Variants in SUCLG2 observed in about 807,000 individuals in gnomAD.
SUCLG2 encodes succinate--CoA ligase [GDP-forming] subunit beta, mitochondrial.
In SUCLG2, 42 loss-of-function variants were observed where a neutral mutation model predicts 47.9. The ratio of observed to expected loss-of-function variants is 0.88; its 90% CI spans 0.69 to 1.14. The LOEUF (loss-of-function observed/expected upper bound fraction) is 1.14. Among genes scored for constraint, SUCLG2 ranks in the 50% most tolerant of loss-of-function variants. The probability of loss-of-function intolerance (pLI) is 0.00; values close to 1 mark genes in which losing one functional copy is unlikely to be tolerated. For synonymous variants in SUCLG2, 195 were observed against 197.3 expected, an observed-to-expected ratio of 0.99 and a Z score of 0.10; for missense variants, 571 against 525.9, an observed-to-expected ratio of 1.09 and a Z score of -0.84.
intron 1 of SUCLG2, among the ~76,000 whole-genome samples, chr3:67,636,478 G>A (rs895647081): frequency 2.7e-5 from 4 of 150,478 alleles, no homozygotes; most frequent in African/African-American, 7.3e-5. Flanking sequence ...TCAGCCTCCC[G>A]AGTAGCTGGG....
chr3:67,510,644 A>G (rs1006741938), intron 6 of SUCLG2, among the ~76,000 whole-genome samples: 2 of 152,212 alleles, frequency 1.3e-5, no homozygotes, highest in African/African-American at 2.4e-5. Flanking sequence ...ACACAGGTAG[A>G]TCAATCATAT....
intron 9 of SUCLG2, among the ~76,000 whole-genome samples, chr3:67,421,326 ACACGC>A (rs1357440637): frequency 6.6e-6 from 1 of 152,180 alleles, no homozygotes; most frequent in Non-Finnish European, 1.5e-5. Context: ...GACCCTAGAC[ACACGC>A]TAACAGAGTC....
rs1328830002 is a variant in SUCLG2 at position 67,400,822 on chromosome 3, A to G, written c.1092T>C (p.Gly364=). 5.6e-6 allele frequency: 9 copies of G among 1,612,778 alleles called. No individual in the cohort carries two copies. Among genetic ancestry groups the G allele is most frequent in the Non-Finnish European group, 6.8e-6 (8 of 1,179,878 alleles). The change falls in exon 10 of 11, where the codon GGT becomes GGC. Residue 364 remains glycine, a synonymous_variant. Coordinates refer to ENST00000307227, the MANE Select transcript of SUCLG2 (RefSeq NM_003848.4). Reference sequence around the variant, plus strand: ...CAATGATGGCACAGTTGACGATACCACCAAATATATTGACAAGGATGGCTT... The same window carrying G: ...CAATGATGGCACAGTTGACGATACCGCCAAATATATTGACAAGGATGGCTT... ...KVEAILVNIF[G]GIVNCAIIAN...
At chr3:67,642,641 T>C (rs1298654326) in intron 1 of SUCLG2, among the ~76,000 whole-genome samples, 1 of 152,070 alleles carries the variant, frequency 6.6e-6, no homozygotes, top group African/African-American at 2.4e-5. Flanking sequence ...GAAAATAAAA[T>C]GAGCTTAGCA....
chr3:67,568,461 T>C (rs985955395), intron 2 of SUCLG2, among the ~76,000 whole-genome samples: 15 of 152,228 alleles, frequency 9.9e-5, no homozygotes, highest in Non-Finnish European at 2.1e-4. Flanking sequence ...AGAAAATGAA[T>C]GTTTTCCATC....
At chr3:67,364,762 C>G (rs533342899) in intron 10 of SUCLG2, among the ~76,000 whole-genome samples, 1 of 152,006 alleles carries the variant, frequency 6.6e-6, no homozygotes, top group Non-Finnish European at 1.5e-5. Flanking sequence ...AAGTTTCAAT[C>G]GAGTAACATG....
chr3:67,419,097 T>C (rs1259523289), intron 9 of SUCLG2, among the ~76,000 whole-genome samples: 2 of 152,202 alleles, frequency 1.3e-5, no homozygotes, highest in African/African-American at 4.8e-5. Context: ...CTCAGTCATC[T>C]CTGTCCTCTA....
chr3:67,441,694 A>G (rs552291561), intron 9 of SUCLG2, among the ~76,000 whole-genome samples: 1 of 152,352 alleles, frequency 6.6e-6, no homozygotes, highest in African/African-American at 2.4e-5. Context: ...CATATACAGT[A>G]ATCTACCCAA....
At chr3:67,512,902 C>A (rs2107109259) in intron 6 of SUCLG2, among the ~76,000 whole-genome samples, 1 of 150,234 alleles carries the variant, frequency 6.7e-6, no homozygotes, top group Middle Eastern at 3.4e-3. Flanking sequence ...TATATTTTCA[C>A]ACACACACAC....
intron 1 of SUCLG2, among the ~76,000 whole-genome samples, chr3:67,633,440 T>A (rs1033311506): frequency 2.6e-5 from 4 of 152,276 alleles, no homozygotes; most frequent in African/African-American, 9.6e-5. Flanking sequence ...AAACACCAAG[T>A]TCTAAACCAA....
At chr3:67,495,417 G>A (rs1705307589) in intron 9 of SUCLG2, among the ~76,000 whole-genome samples, 2 of 152,052 alleles carry the variant, frequency 1.3e-5, no homozygotes, top group Admixed American at 1.3e-4. Flanking sequence ...CACTTTTGGA[G>A]GCCTAGGCGG....
At chr3:67,541,104 C>T (rs1339214351) in intron 2 of SUCLG2, among the ~76,000 whole-genome samples, 2 of 152,030 alleles carry the variant, frequency 1.3e-5, no homozygotes, top group African/African-American at 4.8e-5. Context: ...AAGGAAGAAC[C>T]AGTACAAAAA....
At position 67,603,593 on chromosome 3, in the gene SUCLG2, C is replaced by T. The variant is rs181523382; in HGVS notation, c.226+5862G>A. 2.6e-5 allele frequency among the ~76,000 whole-genome samples: 4 copies of T among 152,248 alleles called. No individual in the cohort carries two copies. In the East Asian group the frequency reaches 7.7e-4, roughly 29 times the overall value. ...AAGATTAATTTCTCCATTCATAGTT[C>T]AATTTTCTTTCCCAACAAAAAATAA... On this transcript the variant is annotated intron_variant, in intron 2 of 10. Coordinates refer to ENST00000307227, the MANE Select transcript of SUCLG2 (RefSeq NM_003848.4).
At chr3:67,571,785 A>G (rs1483332964) in intron 2 of SUCLG2, among the ~76,000 whole-genome samples, 1 of 152,228 alleles carries the variant, frequency 6.6e-6, no homozygotes, top group Non-Finnish European at 1.5e-5. Context: ...TTTAGAACAG[A>G]TGTAGGACTC....
rs751106706 is a variant in SUCLG2 at position 67,520,542 on chromosome 3, G to A, written c.510C>T (p.Ser170=). 1.2e-6 allele frequency: 2 copies of A among 1,614,202 alleles called. No individual in the cohort carries two copies. Among genetic ancestry groups the A allele is most frequent in the Admixed American group, 1.7e-5 (1 of 60,032 alleles). The change falls in exon 5 of 11, where the codon AGC becomes AGT. Residue 170 remains serine, a synonymous_variant. Coordinates refer to ENST00000307227, the MANE Select transcript of SUCLG2 (RefSeq NM_003848.4). ...RSCNGPVLVG[S]PQGGVDIEEV... ...CTTCAATGTCGACGCCCCCCTGGGG[G>A]CTGCCCACCAGCACGGGGCCATTGC...
chr3:67,400,894 C>T (rs757911130), intron 9 of SUCLG2, 43 bp from the exon 10 acceptor site: 2 of 1,607,754 alleles, frequency 1.2e-6, no homozygotes, highest in Admixed American at 1.7e-5. Context: ...ATGCTGATCG[C>T]CAACAGTCTC....
In SUCLG2 at chr3:67,462,487, G is replaced by A. The variant is rs372035380; in HGVS notation, c.1062+33311C>T. Among the ~76,000 whole-genome samples, 45 of 152,238 alleles carry A rather than the reference G, an allele frequency of 3.0e-4. No individual in the cohort carries two copies. In the East Asian group the frequency reaches 5.2e-3, roughly 18 times the overall value. ...CCCATCCAATGGACTCTCCATAAAA[G>A]GTCCAAGAGGATGGCGTTCAGGAGC... On this transcript the variant is annotated intron_variant, in intron 9 of 10. Coordinates refer to ENST00000307227, the MANE Select transcript of SUCLG2 (RefSeq NM_003848.4).
intron 1 of SUCLG2, among the ~76,000 whole-genome samples, chr3:67,617,713 A>G (rs1168711403): frequency 6.6e-6 from 1 of 152,232 alleles, no homozygotes; most frequent in African/African-American, 2.4e-5. Flanking sequence ...GGCAGCTGAC[A>G]TGAGTTTCAC....
intron 2 of SUCLG2, among the ~76,000 whole-genome samples, chr3:67,559,321 A>G (rs1707245917): frequency 6.6e-6 from 1 of 152,334 alleles, no homozygotes; most frequent in Non-Finnish European, 1.5e-5. Context: ...GGTAATTTAT[A>G]AAGGAAAGAG....
Sources: allele counts gnomAD v4.1 joint callset (sites outside exome capture counted in the v4.1 genomes callset), GRCh38; gene constraint gnomAD v4.1.1; transcripts MANE v1.5; gene names NCBI Gene and HGNC (gene_info 2026-07-23, HGNC 2026-07-21).